Variants in SPPL3 observed in about 807,000 individuals in gnomAD.
SPPL3 encodes signal peptide peptidase like 3.
A neutral mutation model predicts 42.4 loss-of-function variants in SPPL3; 5 were observed. The observed-to-expected ratio is 0.12, with a 90% CI of 0.06 to 0.25. The LOEUF is 0.25. Ranked by LOEUF, SPPL3 falls within the 10% of genes least tolerant of loss-of-function variation. The probability of loss-of-function intolerance (pLI) is 1.00; values close to 1 mark genes in which losing one functional copy is unlikely to be tolerated. For missense variants in SPPL3, 235 were observed against 489.0 expected (o/e 0.48, Z 4.90); for synonymous variants, 195 against 181.8 (o/e 1.07, Z -0.58).
At chr12:120,833,766 AGTGTGTGTGTGTGTGTGTGTGT>A (rs71076664) in intron 1 of SPPL3, among the ~76,000 whole-genome samples, 6 of 146,636 alleles carry the variant, frequency 4.1e-5, no homozygotes, top group Non-Finnish European at 7.5e-5. Flanking sequence ...TGAGTTTTAA[AGTGTGTGTGTGTGTGTGTGTGT>A]GTGTGTGTGT....
At chr12:120,903,704 G>C (rs534771630) in intron 1 of SPPL3, 141 bp downstream of exon 1, 1 of 721,320 alleles carries the variant, frequency 1.4e-6, no homozygotes, top group South Asian at 2.4e-5. Context: ...CTCCGGTGGG[G>C]AAGAGGGGGG....
At position 120,895,039 on chromosome 12, in the gene SPPL3, A is replaced by G. The variant is rs184652457; in HGVS notation, c.23+8806T>C. 2.6e-5 allele frequency among the ~76,000 whole-genome samples: 4 copies of G among 152,342 alleles called. No homozygotes were observed. The East Asian group carries it at 7.7e-4, about 29-fold the overall frequency. On this transcript the variant is annotated intron_variant, in intron 1 of 10. Coordinates refer to ENST00000353487, the MANE Select transcript of SPPL3 (RefSeq NM_139015.5). The stretch of plus-strand genomic sequence containing the variant: ...AAAACCGTACCATGCATTCCAAGGA[A>G]AAGCAGGGAAAGATGAGGATCATCC...
intron 1 of SPPL3, among the ~76,000 whole-genome samples, chr12:120,885,508 T>C (rs766103167): frequency 3.0e-4 from 45 of 152,326 alleles, no homozygotes; most frequent in Admixed American, 1.9e-3. Flanking sequence ...GAGTACCACT[T>C]AGAATAACTA....
intron 1 of SPPL3, among the ~76,000 whole-genome samples, chr12:120,878,884 C>A (rs1046669004): frequency 5.9e-5 from 9 of 151,828 alleles, no homozygotes; most frequent in African/African-American, 2.2e-4. Flanking sequence ...GAGGCTGAGG[C>A]GGGTGGATCA....
intron 1 of SPPL3, among the ~76,000 whole-genome samples, chr12:120,898,486 G>A (rs548512564): frequency 6.6e-6 from 1 of 151,966 alleles, no homozygotes; most frequent in Non-Finnish European, 1.5e-5. Context: ...ATCAAACCAT[G>A]AAGAACCACA....
In SPPL3 at chr12:120,815,152, T is replaced by C. The variant is rs151202273; in HGVS notation, c.24-4266A>G. Among the ~76,000 whole-genome samples, 838 of 152,330 alleles carry C rather than the reference T, an allele frequency of 5.5e-3. 7 individuals are homozygous for C. The highest frequency in any genetic ancestry group is 0.019 in the African/African-American group (803 of 41,578). On this transcript the variant is annotated intron_variant, in intron 1 of 10. Coordinates refer to ENST00000353487, the MANE Select transcript of SPPL3 (RefSeq NM_139015.5). ...TTGTATAACATTCCTCAAAGTCAGATTGCTGGCTCAAAGGGGAAATGCACT... is the reference window on the plus strand; with the variant it reads ...TTGTATAACATTCCTCAAAGTCAGACTGCTGGCTCAAAGGGGAAATGCACT...
chr12:120,783,607 T>A (rs1245800958), intron 5 of SPPL3, 67 bp downstream of exon 5: 1 of 1,392,422 alleles, frequency 7.2e-7, no homozygotes, highest in Admixed American at 2.1e-5. Context: ...ATCCTAATAA[T>A]GCTATCAAAT....
chr12:120,894,631 C>T (rs898978935), intron 1 of SPPL3, among the ~76,000 whole-genome samples: 14 of 152,160 alleles, frequency 9.2e-5, no homozygotes, highest in African/African-American at 3.1e-4. Context: ...GCCTGTCAGG[C>T]ATGGTGTGGG....
chr12:120,848,837 T>C (rs961170130), intron 1 of SPPL3, among the ~76,000 whole-genome samples: 4 of 152,192 alleles, frequency 2.6e-5, no homozygotes, highest in Non-Finnish European at 4.4e-5. Context: ...CCTTAAAAAT[T>C]TGTGCATAAA....
At position 120,876,624 on chromosome 12, in the gene SPPL3, A is replaced by AAAAAAAAAAG. The variant is rs1555253884; in HGVS notation, c.23+27220_23+27221insCTTTTTTTTT. Among the ~76,000 whole-genome samples, 62 of 143,834 alleles carry AAAAAAAAAAG rather than the reference A, an allele frequency of 4.3e-4. 1 individual carries two copies. Among genetic ancestry groups the AAAAAAAAAAG allele is most frequent in the African/African-American group, 1.6e-3 (57 of 35,442 alleles). The allele number at this position is 143,834 out of a possible 152,430, so 94.4% of individuals were successfully genotyped here. On this transcript the variant is annotated intron_variant, in intron 1 of 10. Coordinates refer to ENST00000353487, the MANE Select transcript of SPPL3 (RefSeq NM_139015.5). ...AGAGCGAGACTCTGTCTCAAAAAAA[A>AAAAAAAAAAG]AAAAAAAAAAAAGAAGAAAGAAAAT...
At chr12:120,808,724 T>G (rs1306847429) in intron 2 of SPPL3, among the ~76,000 whole-genome samples, 1 of 152,204 alleles carries the variant, frequency 6.6e-6, no homozygotes, top group African/African-American at 2.4e-5. Context: ...TTGTAGAAAG[T>G]ATTTGTCTGG....
At chr12:120,767,292 T>C (rs2136965769) in intron 9 of SPPL3, 102 bp downstream of exon 9, 1 of 1,274,576 alleles carries the variant, frequency 7.8e-7, no homozygotes, top group South Asian at 1.4e-5. Flanking sequence ...GAATTCCTGC[T>C]CTCCTTCCAT....
intron 1 of SPPL3, among the ~76,000 whole-genome samples, chr12:120,874,925 T>C (rs1873037762): frequency 6.6e-6 from 1 of 152,334 alleles, no homozygotes. Flanking sequence ...TTTGGCTCTC[T>C]TCTCTTAGGA....
intron 1 of SPPL3, among the ~76,000 whole-genome samples, chr12:120,832,342 A>T (rs1401420399): frequency 6.6e-6 from 1 of 152,164 alleles, no homozygotes; most frequent in African/African-American, 2.4e-5. Context: ...TAAAAAAGAG[A>T]AAGAAAAATA....
chr12:120,845,858 T>TTATC (rs60954976), intron 1 of SPPL3, among the ~76,000 whole-genome samples: 17,494 of 147,284 alleles, frequency 0.12, 1,030 homozygotes, highest in East Asian at 0.22. Flanking sequence ...TTAGAATCCA[T>TTATC]TATCTATCTA....
At chr12:120,811,089 C>T (rs541795209) in intron 1 of SPPL3, 1 of 415,058 alleles carries the variant, frequency 2.4e-6, no homozygotes, top group East Asian at 4.0e-5. Flanking sequence ...AGGTTTACAG[C>T]TATTATTAGT....
intron 2 of SPPL3, among the ~76,000 whole-genome samples, chr12:120,798,837 T>C (rs2136991937): frequency 6.6e-6 from 1 of 152,310 alleles, no homozygotes; most frequent in Middle Eastern, 3.4e-3. Flanking sequence ...TGGCATTATA[T>C]CGCTATTCTG....
chr12:120,857,411 T>C (rs1872497273), intron 1 of SPPL3, among the ~76,000 whole-genome samples: 1 of 152,184 alleles, frequency 6.6e-6, no homozygotes, highest in African/African-American at 2.4e-5. Context: ...TGGAAGACAC[T>C]GTGGCGATTC....
At chr12:120,768,737 TA>T in intron 7 of SPPL3, 1 of 629,808 alleles carries the variant, frequency 1.6e-6, no homozygotes, top group South Asian at 2.0e-5. Flanking sequence ...TTACCTCTTC[TA>T]TCCTAGGAGT....
Sources: gnomAD v4.1 joint callset for allele counts (sites outside exome capture counted in the v4.1 genomes callset) on GRCh38, gnomAD v4.1.1 for gene constraint, MANE v1.5 for transcripts, NCBI Gene and HGNC (gene_info 2026-07-23, HGNC 2026-07-21) for gene names.